Variants in CPNE8 observed in about 807,000 individuals in gnomAD.
CPNE8 encodes copine-8.
Under a neutral mutation model 81.5 loss-of-function variants are expected in CPNE8, and 45 were observed. The observed-to-expected ratio is 0.55, with a 90% CI of 0.44 to 0.71. The LOEUF (loss-of-function observed/expected upper bound fraction) is 0.71, where lower values mean the gene tolerates loss of function less well. Among genes scored for constraint, CPNE8 ranks in the 30% least tolerant of loss-of-function variants. CPNE8 has a pLI of 0.00. For synonymous variants in CPNE8, 252 were observed against 226.3 expected, an observed-to-expected ratio of 1.11 and a Z score of -1.02; for missense variants, 594 against 672.1, an observed-to-expected ratio of 0.88 and a Z score of 1.28.
chr12:38,892,414 A>G (rs1944325699), intron 1 of CPNE8, among the ~76,000 whole-genome samples: 1 of 152,206 alleles, frequency 6.6e-6, no homozygotes, highest in Admixed American at 6.5e-5. Flanking sequence ...AGCTCACTAC[A>G]TGTGTGAAGA....
intron 14 of CPNE8, among the ~76,000 whole-genome samples, chr12:38,695,669 A>T (rs1264462441): frequency 3.3e-5 from 5 of 152,014 alleles, no homozygotes; most frequent in Admixed American, 3.3e-4. Context: ...ATTTAACACA[A>T]CTCTCATGCC....
chr12:38,809,568 T>G (rs994282796), intron 6 of CPNE8, among the ~76,000 whole-genome samples: 6 of 152,082 alleles, frequency 3.9e-5, no homozygotes, highest in Non-Finnish European at 8.8e-5. Context: ...CATCAGAGAG[T>G]GAGGATCATG....
chr12:38,780,844 T>A (rs1447849856), intron 6 of CPNE8, among the ~76,000 whole-genome samples: 1 of 152,064 alleles, frequency 6.6e-6, no homozygotes, highest in Non-Finnish European at 1.5e-5. Context: ...GCTTGAGAAG[T>A]TTCTAAAGAA....
intron 1 of CPNE8, among the ~76,000 whole-genome samples, chr12:38,888,768 A>G (rs903079632): frequency 2.2e-5 from 3 of 138,602 alleles, no homozygotes; most frequent in Non-Finnish European, 3.0e-5. Context: ...TACAAGTCCT[A>G]AAAAAACCAC....
In CPNE8 at chr12:38,654,030, T is replaced by C; in HGVS notation, c.1547A>G (p.His516Arg). ...FRDYIDRSGNHILSMARLAKD... is the reference protein window; with the variant it reads ...FRDYIDRSGNRILSMARLAKD... Reference sequence around the variant, plus strand: ...AGCCAATCTAGCCATGCTCAGTATGTGGTTTCCACTTCTGTCAATATAATC... The same window carrying C: ...AGCCAATCTAGCCATGCTCAGTATGCGGTTTCCACTTCTGTCAATATAATC... Residue 516 changes from histidine to arginine, a missense_variant, in exon 20 of 20, where the codon CAC becomes CGC. Transcript: ENST00000331366. 1.2e-6 allele frequency: 2 copies of C among 1,611,734 alleles called. No individual in the cohort carries two copies. Among genetic ancestry groups the C allele is most frequent in the Non-Finnish European group, 1.7e-6 (2 of 1,179,072 alleles).
At chr12:38,788,012 A>C (rs539092083) in intron 6 of CPNE8, among the ~76,000 whole-genome samples, 2 of 149,168 alleles carry the variant, frequency 1.3e-5, no homozygotes, top group East Asian at 3.9e-4. Flanking sequence ...CAATGGCTTC[A>C]CTGATAAATT....
chr12:38,786,011 A>C (rs920704329), intron 6 of CPNE8, among the ~76,000 whole-genome samples: 1 of 152,122 alleles, frequency 6.6e-6, no homozygotes, highest in Non-Finnish European at 1.5e-5. Context: ...AGAGAACACA[A>C]AACAACTAGA....
chr12:38,844,104 T>A (rs1208636466), intron 4 of CPNE8, among the ~76,000 whole-genome samples: 2 of 152,188 alleles, frequency 1.3e-5, no homozygotes, highest in Non-Finnish European at 2.9e-5. Context: ...CTCAAAGTGT[T>A]GAGATCCATC....
intron 1 of CPNE8, among the ~76,000 whole-genome samples, chr12:38,902,338 A>AGGAT (rs1944483772): frequency 1.2e-5 from 1 of 83,686 alleles, no homozygotes; most frequent in African/African-American, 7.1e-5. Flanking sequence ...GAAAGAAAGA[A>AGGAT]AGAAAGAAAG....
At chr12:38,696,084 G>A (rs973073847) in intron 14 of CPNE8, among the ~76,000 whole-genome samples, 1 of 152,022 alleles carries the variant, frequency 6.6e-6, no homozygotes, top group Non-Finnish European at 1.5e-5. Flanking sequence ...AATATAATTA[G>A]TACCCCAGAA....
intron 3 of CPNE8, among the ~76,000 whole-genome samples, chr12:38,864,658 A>G (rs896892342): frequency 5.9e-5 from 9 of 152,304 alleles, no homozygotes; most frequent in Admixed American, 1.3e-4. Flanking sequence ...AGTGGCATCA[A>G]AGTAAATTTC....
chr12:38,736,057 C>G (rs951455228), intron 10 of CPNE8, among the ~76,000 whole-genome samples: 2 of 151,896 alleles, frequency 1.3e-5, no homozygotes, highest in Non-Finnish European at 2.9e-5. Flanking sequence ...GATAAAACCA[C>G]TCTCATAAAT....
chr12:38,883,459 A>G (rs954458562), intron 1 of CPNE8, among the ~76,000 whole-genome samples: 1 of 152,240 alleles, frequency 6.6e-6, no homozygotes, highest in Non-Finnish European at 1.5e-5. Context: ...TTTTGTACAC[A>G]GAAAAAAGCA....
At chr12:38,836,140 AC>A (rs751226672) in intron 5 of CPNE8, among the ~76,000 whole-genome samples, 1 of 152,168 alleles carries the variant, frequency 6.6e-6, no homozygotes, top group South Asian at 2.1e-4. Context: ...CTAGTACCTT[AC>A]AGAACAAACT....
chr12:38,888,156 T>G (rs1944262525), intron 1 of CPNE8, among the ~76,000 whole-genome samples: 2 of 152,190 alleles, frequency 1.3e-5, no homozygotes, highest in Admixed American at 6.5e-5. Context: ...CAAGCACCAC[T>G]CCCAAAATAT....
chr12:38,776,011 C>T (rs1941926149), intron 7 of CPNE8, among the ~76,000 whole-genome samples: 1 of 152,080 alleles, frequency 6.6e-6, no homozygotes, highest in Non-Finnish European at 1.5e-5. Context: ...TATTTTAATA[C>T]TTTCAATTCC....
At chr12:38,813,805 G>C (rs1281780540) in intron 6 of CPNE8, among the ~76,000 whole-genome samples, 6 of 152,158 alleles carry the variant, frequency 3.9e-5, no homozygotes, top group Admixed American at 3.3e-4. Context: ...AAGACAGTGT[G>C]AAAACTATCG....
chr12:38,782,562 G>T (rs920206079), intron 6 of CPNE8, among the ~76,000 whole-genome samples: 2 of 152,094 alleles, frequency 1.3e-5, no homozygotes, highest in Non-Finnish European at 2.9e-5. Context: ...GACTCAGAAA[G>T]AAAGACCTAG....
chr12:38,868,536 G>A (rs1434786070), intron 3 of CPNE8, among the ~76,000 whole-genome samples: 1 of 152,090 alleles, frequency 6.6e-6, no homozygotes, highest in African/African-American at 2.4e-5. Context: ...TAAGAAAATA[G>A]AGATAATGAA....
Sources: gnomAD v4.1 joint callset for allele counts (sites outside exome capture counted in the v4.1 genomes callset) on GRCh38, gnomAD v4.1.1 for gene constraint, MANE v1.5 for transcripts, NCBI Gene and HGNC (gene_info 2026-07-23, HGNC 2026-07-21) for gene names.